The following PDE1A variants were observed in gnomAD, a reference collection of about 807,000 sequenced individuals.
PDE1A encodes the protein phosphodiesterase 1A.
PDE1A carries 35 observed loss-of-function variants against 61.7 expected under a neutral mutation model. The ratio of observed to expected loss-of-function variants is 0.57; its 90% confidence interval spans 0.43 to 0.75. The LOEUF is 0.75. Ranked by LOEUF, PDE1A falls within the 30% of genes least tolerant of loss-of-function variation. The pLI is 0.00. For missense variants in PDE1A, 597 were observed against 630.6 expected, an observed-to-expected ratio of 0.95 and a Z score of 0.57; for synonymous variants, 232 against 213.2, an observed-to-expected ratio of 1.09 and a Z score of -0.77.
intron 2 of PDE1A, among the ~76,000 whole-genome samples, chr2:182,450,054 T>TAA (rs906477703): frequency 6.6e-6 from 1 of 152,106 alleles, no homozygotes; most frequent in African/African-American, 2.4e-5. Flanking sequence ...CTGTCAAGAT[T>TAA]AAATAAAAGA....
intron 1 of PDE1A, among the ~76,000 whole-genome samples, chr2:182,384,253 TCAAGAAGAATTAAGGAAA>T (rs1358308607): frequency 6.6e-6 from 1 of 151,826 alleles, no homozygotes; most frequent in African/African-American, 2.4e-5. Context: ...ACCACAAGAA[TCAAGAAGAATTAAGGAAA>T]CATCATCAAA....
chr2:182,189,655 T>A (rs1324604958), intron 10 of PDE1A, among the ~76,000 whole-genome samples: 1 of 152,222 alleles, frequency 6.6e-6, no homozygotes, highest in African/African-American at 2.4e-5. Flanking sequence ...ATTTTTTTAT[T>A]ATTTGATCTC....
chr2:182,569,355 C>G, the PDE1A span, among the ~76,000 whole-genome samples: 6 of 151,736 alleles, frequency 4.0e-5, no homozygotes, highest in African/African-American at 9.7e-5. Context: ...TCATTATGCT[C>G]TGTATAAATT....
intron 1 of PDE1A, among the ~76,000 whole-genome samples, chr2:182,353,214 C>T (rs903516894): frequency 5.9e-5 from 9 of 152,172 alleles, no homozygotes; most frequent in East Asian, 5.8e-4. Flanking sequence ...AATTAATCTG[C>T]TAATTGATTA....
intron 2 of PDE1A, among the ~76,000 whole-genome samples, chr2:182,514,931 C>A (rs12616179): frequency 0.35 from 52,980 of 151,612 alleles, 9,694 homozygotes; most frequent in Middle Eastern, 0.44. Flanking sequence ...GTTGAATTCA[C>A]AGGAATTCTG....
At chr2:182,154,316 G>C (rs1690947099) in intron 13 of PDE1A, among the ~76,000 whole-genome samples, 1 of 152,080 alleles carries the variant, frequency 6.6e-6, no homozygotes, top group African/African-American at 2.4e-5. Flanking sequence ...AAAATCCTGA[G>C]GTGCATTGTT....
the PDE1A span, among the ~76,000 whole-genome samples, chr2:182,576,289 G>T: frequency 1.4e-4 from 22 of 152,054 alleles, no homozygotes; most frequent in South Asian, 1.3e-3. Context: ...ACTACTGTAG[G>T]TACCTCTTAC....
chr2:182,189,789 A>G (rs1376642812), intron 10 of PDE1A, among the ~76,000 whole-genome samples: 1 of 152,226 alleles, frequency 6.6e-6, no homozygotes, highest in Non-Finnish European at 1.5e-5. Context: ...TCAAACCTCT[A>G]ATATCACAAG....
intron 13 of PDE1A, among the ~76,000 whole-genome samples, chr2:182,154,300 A>G (rs1298862176): frequency 6.6e-6 from 1 of 152,226 alleles, no homozygotes; most frequent in Non-Finnish European, 1.5e-5. Flanking sequence ...GTAAAAACAA[A>G]AACAAAAAAT....
At chr2:182,638,033 A>C in the PDE1A span, among the ~76,000 whole-genome samples, 1 of 152,240 alleles carries the variant, frequency 6.6e-6, no homozygotes, top group Non-Finnish European at 1.5e-5. Flanking sequence ...ATCCTGGATA[A>C]ATTCTGAAGG....
At chr2:182,652,302 T>C in the PDE1A span, among the ~76,000 whole-genome samples, 54 of 152,336 alleles carry the variant, frequency 3.5e-4, no homozygotes, top group Admixed American at 3.2e-3. Context: ...ATTTCACTGC[T>C]GAAATTCTCC....
chr2:182,647,029 C>T, the PDE1A span, among the ~76,000 whole-genome samples: 1 of 152,162 alleles, frequency 6.6e-6, no homozygotes, highest in Non-Finnish European at 1.5e-5. Context: ...GGCACGATGA[C>T]TTTTTGCATT....
exon 13 of PDE1A, chr2:182,185,937 T>C (rs1574609685): frequency 1.2e-6 from 2 of 1,614,110 alleles, no homozygotes; most frequent in Middle Eastern, 1.6e-4. Context: ...TGCTGAATGA[T>C]GTCCACCAGG....
chr2:182,668,595 G>A, the PDE1A span, among the ~76,000 whole-genome samples: 1 of 152,080 alleles, frequency 6.6e-6, no homozygotes, highest in Non-Finnish European at 1.5e-5. Flanking sequence ...TGGATGACTG[G>A]TAGGTAGTTG....
chr2:182,602,627 G>A, the PDE1A span, among the ~76,000 whole-genome samples: 2 of 151,926 alleles, frequency 1.3e-5, no homozygotes, highest in African/African-American at 2.4e-5. Context: ...ACAATCTTAC[G>A]TTTTTGGTCC....
At chr2:182,159,815 T>C (rs1226397998) in intron 13 of PDE1A, among the ~76,000 whole-genome samples, 2 of 152,086 alleles carry the variant, frequency 1.3e-5, no homozygotes, top group African/African-American at 4.8e-5. Context: ...TAGCCAGGCA[T>C]GGTAGTGTGT....
intron 2 of PDE1A, among the ~76,000 whole-genome samples, chr2:182,502,685 C>T (rs987317180): frequency 1.3e-5 from 2 of 152,106 alleles, no homozygotes; most frequent in Non-Finnish European, 2.9e-5. Context: ...GTCAACAATC[C>T]CTTTTCCACA....
At chr2:182,275,582 G>C (rs944619119) in intron 1 of PDE1A, among the ~76,000 whole-genome samples, 2 of 152,018 alleles carry the variant, frequency 1.3e-5, no homozygotes, top group African/African-American at 4.8e-5. Context: ...CCAACCAAAA[G>C]GTATCTAGAA....
chr2:182,605,837 G>T, the PDE1A span, among the ~76,000 whole-genome samples: 1 of 152,176 alleles, frequency 6.6e-6, no homozygotes, highest in South Asian at 2.1e-4. Flanking sequence ...ATGTTAATGT[G>T]AACTGTACTT....
Sources: gnomAD v4.1 joint callset for allele counts (sites outside exome capture counted in the v4.1 genomes callset) on GRCh38, gnomAD v4.1.1 for gene constraint, MANE v1.5 for transcripts, NCBI Gene and HGNC (gene_info 2026-07-23, HGNC 2026-07-21) for gene names.